MRPS15: variants seen among roughly 807,000 people sequenced by gnomAD.
MRPS15 encodes small ribosomal subunit protein uS15m.
In MRPS15, 25 loss-of-function variants were observed where a neutral mutation model predicts 30.7. The ratio of observed to expected loss-of-function variants is 0.81; its 90% CI spans 0.59 to 1.14. MRPS15 has a LOEUF of 1.14. MRPS15 is among the 50% of genes most tolerant of loss of function. MRPS15 has a pLI of 0.00. For synonymous variants in MRPS15, 124 were observed against 120.1 expected, an observed-to-expected ratio of 1.03 and a Z score of -0.21; for missense variants, 313 against 321.7, an observed-to-expected ratio of 0.97 and a Z score of 0.21.
chr1:36,464,344 A>G lies in MRPS15; in HGVS notation c.-69T>C. On this transcript the variant is annotated 5_prime_UTR_variant, in exon 1 of 8. It removes an upstream start codon present in the reference 5' UTR. Transcript: ENST00000373116. ...CGCTTTGCGGCACGGACCGGGTTAC[A>G]TGGGCGCCGCCATGCTGGCCCAGGA... 3.9e-6 allele frequency: 6 copies of G among 1,558,404 alleles called. No homozygotes were observed. The highest frequency in any genetic ancestry group is 4.3e-6 in the Non-Finnish European group (5 of 1,152,086).
chr1:36,455,956 T>C, intron 7 of MRPS15, 31 bp from the exon 8 acceptor site: 1 of 1,605,046 alleles, frequency 6.2e-7, no homozygotes, highest in Non-Finnish European at 8.5e-7. Context: ...AAAAAGACCT[T>C]GTAATCCTGT....
chr1:36,461,279 CA>C lies in MRPS15; in HGVS notation c.284del (p.Leu95TrpfsTer10), dbSNP rs1275122542. ...VDDVVKRLLS[L>X]EMANKKEMLK... is the part of the protein sequence containing the mutation. ...GGCTGCTCACCTTGTTGGCCATTTC[CA>C]AAGACAAGAGTCTTTTCACGACATC... is the stretch of plus-strand genomic sequence containing the variant. On this transcript the variant is annotated frameshift_variant, in exon 4 of 8. Coordinates refer to ENST00000373116, the MANE Select transcript of MRPS15 (RefSeq NM_031280.4). LOFTEE classifies it high-confidence loss of function. 6.2e-7 allele frequency: 1 copy of C among 1,614,044 alleles called. No individual in the cohort carries two copies. Among genetic ancestry groups the C allele is most frequent in the Admixed American group, 1.7e-5 (1 of 59,998 alleles).
rs750348540 is a variant in MRPS15, at chr1:36,457,940, A to G, written c.427T>C (p.Leu143=). The G allele has an allele frequency of 6.2e-7, 1 of 1,614,188 alleles. No individual in the cohort carries two copies. The highest frequency in any genetic ancestry group is 8.5e-7 in the Non-Finnish European group (1 of 1,180,020). ...GAGTTTACCTTTCGATGTTTCTCCAAGTGTTCTTCATAACTGCGGATCTTG... is the reference window on the plus strand; with the variant it reads ...GAGTTTACCTTTCGATGTTTCTCCAGGTGTTCTTCATAACTGCGGATCTTG... The part of the protein sequence containing the change: ...SVKIRSYEEH[L]EKHRKDKAHK... Residue 143 remains leucine, a synonymous_variant, in exon 6 of 8, where the codon TTG becomes CTG. Transcript: ENST00000373116.
chr1:36,457,754 C>T (rs1208422526), intron 6 of MRPS15, among the ~76,000 whole-genome samples, 169 bp downstream of exon 6: 3 of 152,120 alleles, frequency 2.0e-5, no homozygotes, highest in South Asian at 2.1e-4. Flanking sequence ...TGTTCTTAAC[C>T]CCTGGTGACA....
chr1:36,463,430 T>G (rs1183914184), intron 2 of MRPS15, among the ~76,000 whole-genome samples: 1 of 152,204 alleles, frequency 6.6e-6, no homozygotes, highest in Admixed American at 6.5e-5. Flanking sequence ...TTGCCCCATA[T>G]CATTTACCTA....
intron 5 of MRPS15, 27 bp downstream of exon 5, chr1:36,460,665 C>T (rs1306109357): frequency 1.9e-6 from 3 of 1,585,784 alleles, no homozygotes; most frequent in Non-Finnish European, 2.6e-6. Context: ...TCCCTACACC[C>T]CCACTCCCCA....
Position 36,464,225 on chromosome 1 carries a change from A to T in MRPS15, c.51T>A (p.Val17=). ...RTLSLIRTRA[V]TQVLVPGLPG... is the part of the protein sequence containing the mutation. Reference sequence around the variant, plus strand: ...GCAGCCCGGGTACTAGGACCTGGGTAACTGCCCGGGTCCGAATCAAACTCA... The same window carrying T: ...GCAGCCCGGGTACTAGGACCTGGGTTACTGCCCGGGTCCGAATCAAACTCA... The change falls in exon 1 of 8, where the codon GTT becomes GTA. Residue 17 remains valine, a synonymous_variant. Coordinates refer to ENST00000373116, the MANE Select transcript of MRPS15 (RefSeq NM_031280.4). 1 of 1,614,052 alleles carries T rather than the reference A, an allele frequency of 6.2e-7. No individual in the cohort carries two copies. Among genetic ancestry groups the T allele is most frequent in the East Asian group, 2.2e-5 (1 of 44,870 alleles).
At chr1:36,461,892 A>C (rs936934206) in intron 3 of MRPS15, among the ~76,000 whole-genome samples, 196 bp downstream of exon 3, 8 of 152,078 alleles carry the variant, frequency 5.3e-5, no homozygotes, top group Admixed American at 3.9e-4. Context: ...AAAAACCCCC[A>C]AGTAGCCGAG....
In MRPS15 at chr1:36,460,679, G is replaced by A. The variant is rs1570569932; in HGVS notation, c.385+13C>T. ...TTCCCTACACCCCCACTCCCCAAGG[G>A]TCCCCGACCAACTTCGAGCCTCCAG... On this transcript the variant is annotated intron_variant, in intron 5 of 7. Coordinates refer to ENST00000373116, the MANE Select transcript of MRPS15 (RefSeq NM_031280.4). The A allele has an allele frequency of 1.2e-6, 2 of 1,611,540 alleles. No individual in the cohort carries two copies. Among genetic ancestry groups the A allele is most frequent in the Non-Finnish European group, 1.7e-6 (2 of 1,177,766 alleles).
Position 36,457,958 on chromosome 1 carries a change from G to A in MRPS15, c.409C>T (p.Arg137Cys), listed in dbSNP as rs1232672256. 3.7e-6 allele frequency: 6 copies of A among 1,614,188 alleles called. No individual in the cohort carries two copies. Among genetic ancestry groups the A allele is most frequent in the South Asian group, 1.1e-5 (1 of 91,086 alleles). The change falls in exon 6 of 8, where the codon CGC (arginine) becomes TGC (cysteine). Residue 137 changes from arginine (R) to cysteine (C), a missense_variant. Arg to Cys is a radical substitution (Grantham distance 180). Coordinates refer to ENST00000373116, the MANE Select transcript of MRPS15 (RefSeq NM_031280.4). Reference sequence around the variant, plus strand: ...TTCTCCAAGTGTTCTTCATAACTGCGGATCTTGACAGACAAGGCAATAACT... The same window carrying A: ...TTCTCCAAGTGTTCTTCATAACTGCAGATCTTGACAGACAAGGCAATAACT... ...ARIIALSVKI[R>C]SYEEHLEKHR...
At chr1:36,457,779 G>C in intron 6 of MRPS15, 144 bp downstream of exon 6, 1 of 730,902 alleles carries the variant, frequency 1.4e-6, no homozygotes, top group East Asian at 2.6e-5. Context: ...GCATGGCCTT[G>C]TAAGGCTCCA....
Position 36,455,879 on chromosome 1 carries a change from T to C in MRPS15, c.683A>G (p.Lys228Arg). 1 of 1,614,124 alleles carries C rather than the reference T, an allele frequency of 6.2e-7. No homozygotes were observed. The highest frequency in any genetic ancestry group is 8.5e-7 in the Non-Finnish European group (1 of 1,180,024). ...QKLKKRRRAL[K>R]AAAAAQKQAK... ...TTGTTTTTGGGCTGCTGCTGCAGCC[T>C]TTAAGGCTCTTCTTCGCTTCTTCAG... The change falls in exon 8 of 8, where the codon AAG (lysine) becomes AGG (arginine). Residue 228 changes from lysine (K) to arginine (R), a missense_variant. Lys to Arg is a conservative substitution (Grantham distance 26). Transcript: ENST00000373116.
intron 6 of MRPS15, 151 bp from the exon 7 acceptor site, chr1:36,456,529 T>C (rs1478966144): frequency 2.6e-6 from 2 of 760,318 alleles, no homozygotes; most frequent in Non-Finnish European, 4.0e-6. Context: ...TCATTGTTAT[T>C]CCCATTTTAC....
In MRPS15 at chr1:36,458,212, A is replaced by C. The variant is rs1400228214; in HGVS notation, c.386-231T>G. ...CATCCCTTAATATTATAAAGATATC[A>C]TCCAAAAATCATAGCAAATAGCATT... On this transcript the variant is annotated intron_variant, in intron 5 of 7. Transcript: ENST00000373116. This position sits in a 1 kb window ranked among gnomAD's most constrained non-coding sequence, Gnocchi z 4.5. The C allele has an allele frequency of 1.9e-5, 9 of 472,136 alleles. No individual in the cohort carries two copies. 29.2% of individuals were successfully genotyped at this position (472,136 alleles called of 1,614,324 possible). A position where few individuals can be genotyped will look rare whatever the true frequency, so the allele number is the denominator to read the frequency against.
intron 6 of MRPS15, among the ~76,000 whole-genome samples, chr1:36,457,230 C>T (rs1029860761): frequency 2.6e-5 from 4 of 151,370 alleles, no homozygotes; most frequent in East Asian, 3.9e-4. Flanking sequence ...GAGCCGAGAT[C>T]GCACCTCTGC....
At chr1:36,463,532 A>G (rs16823055) in intron 2 of MRPS15, among the ~76,000 whole-genome samples, 17,005 of 152,242 alleles carry the variant, frequency 0.11, 1,076 homozygotes, top group East Asian at 0.3. Context: ...GCCATACTCT[A>G]GGTAGGCCTG....
intron 6 of MRPS15, among the ~76,000 whole-genome samples, chr1:36,456,739 C>T (rs1360632028): frequency 1.3e-5 from 2 of 152,164 alleles, no homozygotes; most frequent in Non-Finnish European, 2.9e-5. Flanking sequence ...GCCTTGTGCT[C>T]TTCCTGGAAA....
At chr1:36,457,785 C>G in intron 6 of MRPS15, 138 bp downstream of exon 6, 1 of 762,166 alleles carries the variant, frequency 1.3e-6, no homozygotes, top group Non-Finnish European at 2.3e-6. Context: ...CCTTGTAAGG[C>G]TCCAAGTCCT....
At chr1:36,461,207 A>G in intron 4 of MRPS15, 57 bp downstream of exon 4, 1 of 1,541,098 alleles carries the variant, frequency 6.5e-7, no homozygotes, top group African/African-American at 1.4e-5. Context: ...ATCAGGGTAG[A>G]AGGGAGTCCC....
Sources: allele counts gnomAD v4.1 joint callset (sites outside exome capture counted in the v4.1 genomes callset), GRCh38; gene constraint gnomAD v4.1.1; non-coding constraint Gnocchi (gnomAD v3.1); transcripts MANE v1.5; gene names NCBI Gene and HGNC (gene_info 2026-07-23, HGNC 2026-07-21).